The following ERICH3 variants were observed in gnomAD, a reference collection of about 807,000 sequenced individuals.
ERICH3 encodes the protein glutamate-rich protein 3.
ERICH3 carries 126 observed loss-of-function variants against 131.1 expected under a neutral mutation model. That is an observed-to-expected ratio of 0.96 (90% CI 0.83 to 1.11). The LOEUF is 1.11. Ranked by LOEUF, ERICH3 falls within the 50% of genes most tolerant of loss-of-function variation. ERICH3 has a pLI of 0.00. For synonymous variants in ERICH3, 695 were observed against 644.6 expected (o/e 1.08, Z -1.18); for missense variants, 2,050 against 1,810.7 (o/e 1.13, Z -2.40).
intron 12 of ERICH3, chr1:74,586,317 T>C (rs1300755417): frequency 1.2e-6 from 1 of 811,378 alleles, no homozygotes. Context: ...TACATAAAAA[T>C]AACATATGTA....
intron 2 of ERICH3, among the ~76,000 whole-genome samples, chr1:74,648,403 A>G (rs1026978048): frequency 6.6e-6 from 1 of 152,100 alleles, no homozygotes; most frequent in Admixed American, 6.6e-5. Context: ...AAAAGTTAAG[A>G]AAGTGATTTA....
Position 74,573,094 on chromosome 1 carries a change from T to G in ERICH3, c.2616A>C (p.Lys872Asn), listed in dbSNP as rs1646987772. Reference sequence around the variant, plus strand: ...AGGCTTGCTTTTCAGGAGCCTCATCTTTACTCAGACCCACAGCATCTTTTG... The same window carrying G: ...AGGCTTGCTTTTCAGGAGCCTCATCGTTACTCAGACCCACAGCATCTTTTG... ...AAAKDAVGLSKDEAPEKQALM... is the reference protein window; with the variant it reads ...AAAKDAVGLSNDEAPEKQALM... The change falls in exon 14 of 15, where the codon AAA becomes AAC. Residue 872 changes from lysine (K) to asparagine (N), a missense_variant. Physicochemically the swap from Lys to Asn is moderately conservative, Grantham distance 94. Coordinates refer to ENST00000326665, the MANE Select transcript of ERICH3 (RefSeq NM_001002912.5). 1 of 1,614,028 alleles carries G rather than the reference T, an allele frequency of 6.2e-7. No individual in the cohort carries two copies. The highest frequency in any genetic ancestry group is 1.1e-5 in the South Asian group (1 of 91,084).
chr1:74,577,452 G>C (rs1452153485), intron 12 of ERICH3: 1 of 153,170 alleles, frequency 6.5e-6, no homozygotes, highest in African/African-American at 2.4e-5. Flanking sequence ...GTAGCCCAAT[G>C]CCAAGGGTTC....
intron 12 of ERICH3, among the ~76,000 whole-genome samples, chr1:74,581,594 G>T (rs1000739700): frequency 2.6e-5 from 4 of 151,978 alleles, no homozygotes; most frequent in Admixed American, 1.3e-4. Context: ...TAGCTTTATT[G>T]CACTGTTATC....
chr1:74,598,086 C>G (rs1193312813), intron 11 of ERICH3, among the ~76,000 whole-genome samples: 1 of 151,922 alleles, frequency 6.6e-6, no homozygotes, highest in African/African-American at 2.4e-5. Context: ...CCATGAAAGT[C>G]TACCTACTGC....
At chr1:74,647,777 AGT>A (rs1163616327) in intron 2 of ERICH3, among the ~76,000 whole-genome samples, 1 of 152,156 alleles carries the variant, frequency 6.6e-6, no homozygotes, top group Non-Finnish European at 1.5e-5. Flanking sequence ...AACACACTGG[AGT>A]ATTAAGATCA....
chr1:74,601,219 G>A (rs979017869), intron 10 of ERICH3, among the ~76,000 whole-genome samples: 5 of 151,838 alleles, frequency 3.3e-5, no homozygotes, highest in South Asian at 4.2e-4. Context: ...TAATAAAAAC[G>A]AGTAAATATT....
At chr1:74,671,670 T>C (rs1213300448) in intron 1 of ERICH3, among the ~76,000 whole-genome samples, 3 of 152,220 alleles carry the variant, frequency 2.0e-5, no homozygotes, top group African/African-American at 4.8e-5. Flanking sequence ...AGTGGGAAGA[T>C]TTAATAAGGT....
intron 11 of ERICH3, among the ~76,000 whole-genome samples, chr1:74,590,882 A>C (rs1301270826): frequency 6.6e-6 from 1 of 152,304 alleles, no homozygotes; most frequent in Non-Finnish European, 1.5e-5. Context: ...TGTTTTTTGA[A>C]AGCCATTTTT....
chr1:74,595,725 T>C (rs1647815227), intron 11 of ERICH3, among the ~76,000 whole-genome samples: 2 of 152,112 alleles, frequency 1.3e-5, no homozygotes, highest in Non-Finnish European at 2.9e-5. Context: ...AAACACTTCA[T>C]AGAAAAGTAT....
chr1:74,652,949 T>C (rs1646550764), intron 1 of ERICH3, among the ~76,000 whole-genome samples: 1 of 152,098 alleles, frequency 6.6e-6, no homozygotes, highest in South Asian at 2.1e-4. Flanking sequence ...AGCAACCTTG[T>C]CTCCATGCTG....
Position 74,606,871 on chromosome 1 carries a change from G to GT in ERICH3, c.1218dup (p.Pro407ThrfsTer7), listed in dbSNP as rs1441349703. ...TCTTTCCTAGATTTCGGCAAAGACG[G>GT]TTTTTTGTCAAGGCCCATTGCAATA... On this transcript the variant is annotated frameshift_variant, in exon 10 of 15. Coordinates refer to ENST00000326665, the MANE Select transcript of ERICH3 (RefSeq NM_001002912.5). LOFTEE classifies it high-confidence loss of function. 1.9e-6 allele frequency: 3 copies of GT among 1,611,808 alleles called. No individual in the cohort carries two copies. The highest frequency in any genetic ancestry group is 1.3e-5 in the African/African-American group (1 of 74,590).
chr1:74,626,325 G>A (rs574895450), intron 7 of ERICH3, among the ~76,000 whole-genome samples: 6 of 152,246 alleles, frequency 3.9e-5, no homozygotes, highest in African/African-American at 1.4e-4. Flanking sequence ...ACTGGCTTAA[G>A]TTGTAACCAT....
At chr1:74,632,458 G>A (rs1007225486) in intron 6 of ERICH3, among the ~76,000 whole-genome samples, 4 of 151,836 alleles carry the variant, frequency 2.6e-5, no homozygotes, top group African/African-American at 9.7e-5. Context: ...AAATTTTAAG[G>A]TATATATCCT....
intron 3 of ERICH3, among the ~76,000 whole-genome samples, chr1:74,645,476 A>T (rs1298779422): frequency 6.6e-6 from 1 of 151,818 alleles, no homozygotes; most frequent in Admixed American, 6.6e-5. Flanking sequence ...TAAAATATTT[A>T]TTCAAAACTA....
chr1:74,579,371 C>A, intron 12 of ERICH3: 1 of 983,886 alleles, frequency 1.0e-6, no homozygotes, highest in Non-Finnish European at 1.2e-6. Flanking sequence ...AGAAGCCAAA[C>A]AATACTAACA....
chr1:74,573,434 G>T lies in ERICH3; in HGVS notation c.2276C>A (p.Ser759Tyr), dbSNP rs183020883. 1.9e-6 allele frequency: 3 copies of T among 1,562,158 alleles called. No individual in the cohort carries two copies. Among genetic ancestry groups the T allele is most frequent in the Admixed American group, 4.1e-5 (2 of 48,526 alleles). ...ETAAINSNKE[S>Y]QQLVQKTYTL... The stretch of plus-strand genomic sequence containing the variant: ...ATACGTTTTTTGCACCAATTGCTGG[G>T]ATTCCTTGTTTGAGTTGATTGCTGC... The change falls in exon 14 of 15, where the codon TCC becomes TAC. Residue 759 changes from serine (S) to tyrosine (Y), a missense_variant. By Grantham distance (144) the Ser-to-Tyr change is moderately radical. Coordinates refer to ENST00000326665, the MANE Select transcript of ERICH3 (RefSeq NM_001002912.5).
chr1:74,624,473 T>A (rs1221394230), intron 7 of ERICH3: 4 of 152,354 alleles, frequency 2.6e-5, no homozygotes, highest in Non-Finnish European at 5.9e-5. Flanking sequence ...TCTTTCTCTC[T>A]GGTTTTGCCT....
chr1:74,626,529 A>G (rs1302999591), intron 7 of ERICH3, among the ~76,000 whole-genome samples: 2 of 152,212 alleles, frequency 1.3e-5, no homozygotes, highest in East Asian at 3.9e-4. Flanking sequence ...AAATAGATAA[A>G]CATAACCATT....
Sources: gnomAD v4.1 joint callset for allele counts (sites outside exome capture counted in the v4.1 genomes callset) on GRCh38, gnomAD v4.1.1 for gene constraint, MANE v1.5 for transcripts, NCBI Gene and HGNC (gene_info 2026-07-23, HGNC 2026-07-21) for gene names.